The following TNNI3K variants were observed in gnomAD, a reference collection of about 807,000 sequenced individuals.
TNNI3K encodes the protein serine/threonine-protein kinase TNNI3K.
Under a neutral mutation model 114.5 loss-of-function variants are expected in TNNI3K, and 140 were observed. The ratio of observed to expected loss-of-function variants is 1.22; its 90% CI spans 1.07 to 1.41. TNNI3K has a LOEUF of 1.41. Ranked by LOEUF, TNNI3K falls within the 40% of genes most tolerant of loss-of-function variation. The pLI is 0.00. For missense variants in TNNI3K, 1,125 were observed against 1,007.6 expected, an observed-to-expected ratio of 1.12 and a Z score of -1.58; for synonymous variants, 347 against 347.5, an observed-to-expected ratio of 1.00 and a Z score of 0.02.
intron 5 of TNNI3K, among the ~76,000 whole-genome samples, chr1:74,299,463 G>T (rs1427216188): frequency 6.6e-6 from 1 of 151,982 alleles, no homozygotes; most frequent in African/African-American, 2.4e-5. Flanking sequence ...GTATATCATT[G>T]GCTGAACTAT....
intron 17 of TNNI3K, among the ~76,000 whole-genome samples, chr1:74,424,506 G>T (rs903750828): frequency 6.6e-6 from 1 of 151,980 alleles, no homozygotes; most frequent in Admixed American, 6.6e-5. Flanking sequence ...ACCACTTGAG[G>T]TCAGGAGTTT....
chr1:74,352,689 C>T (rs1472487003), intron 9 of TNNI3K, among the ~76,000 whole-genome samples: 7 of 152,292 alleles, frequency 4.6e-5, no homozygotes, highest in African/African-American at 7.2e-5. Context: ...CCCCCAGCCT[C>T]GCTGCCACCT....
At position 74,236,145 on chromosome 1, in the gene TNNI3K, A is replaced by G. The variant is rs1653844853; in HGVS notation, c.84A>G (p.Ile28Met). The G allele has an allele frequency of 1.2e-6, 2 of 1,608,586 alleles. No individual in the cohort carries two copies. Among genetic ancestry groups the G allele is most frequent in the Non-Finnish European group, 1.7e-6 (2 of 1,176,204 alleles). ...TCAGTGAATCATATGTTATCACAAT[A>G]GAAAGATTAGAAGATGACCTGCAGA... The part of the protein sequence containing the change: ...KKVSESYVIT[I>M]ERLEDDLQIK... The change falls in exon 2 of 25, where the codon ATA becomes ATG. Residue 28 changes from isoleucine to methionine, a missense_variant. Transcript: ENST00000326637.
At chr1:74,367,568 C>T (rs1662342169) in intron 12 of TNNI3K, among the ~76,000 whole-genome samples, 1 of 151,948 alleles carries the variant, frequency 6.6e-6, no homozygotes, top group Non-Finnish European at 1.5e-5. Flanking sequence ...CCAAGTTTAA[C>T]ATTTCCCAGA....
intron 4 of TNNI3K, among the ~76,000 whole-genome samples, chr1:74,256,221 C>T (rs1655286032): frequency 6.7e-6 from 1 of 148,858 alleles, no homozygotes; most frequent in Non-Finnish European, 1.5e-5. Context: ...CCTACATTCC[C>T]ATCAGCAAGG....
intron 4 of TNNI3K, among the ~76,000 whole-genome samples, chr1:74,252,795 C>G (rs1190705027): frequency 1.3e-5 from 2 of 152,156 alleles, no homozygotes; most frequent in African/African-American, 2.4e-5. Flanking sequence ...GTGAGTGTTA[C>G]AGCTCATAAA....
chr1:74,315,626 A>G (rs1203629015), intron 5 of TNNI3K, among the ~76,000 whole-genome samples: 1 of 151,926 alleles, frequency 6.6e-6, no homozygotes, highest in African/African-American at 2.4e-5. Context: ...TCCTAGAGGC[A>G]ATTTTGCAGC....
intron 5 of TNNI3K, among the ~76,000 whole-genome samples, chr1:74,302,941 G>A (rs1658414773): frequency 6.6e-6 from 1 of 152,158 alleles, no homozygotes; most frequent in Non-Finnish European, 1.5e-5. Context: ...GGAATAAGAT[G>A]CCATCCAGGA....
chr1:74,295,394 T>TTTTA (rs1657921357), intron 5 of TNNI3K, among the ~76,000 whole-genome samples: 1 of 152,194 alleles, frequency 6.6e-6, no homozygotes, highest in Non-Finnish European at 1.5e-5. Context: ...TTAAAAATTG[T>TTTTA]CTGTATACTT....
chr1:74,452,124 C>A (rs1457313232), intron 20 of TNNI3K, among the ~76,000 whole-genome samples: 1 of 152,142 alleles, frequency 6.6e-6, no homozygotes, highest in African/African-American at 2.4e-5. Flanking sequence ...GTACCTCTCA[C>A]ATTACTAACA....
chr1:74,291,260 A>T (rs513169), intron 5 of TNNI3K, among the ~76,000 whole-genome samples: 150,209 of 151,578 alleles, frequency 0.99, 74,445 homozygotes, highest in Middle Eastern at 1. Context: ...TCATTAATTA[A>T]ATATTTTTAA....
intron 20 of TNNI3K, among the ~76,000 whole-genome samples, chr1:74,442,083 G>C (rs547865258): frequency 6.6e-6 from 1 of 151,550 alleles, no homozygotes; most frequent in South Asian, 2.1e-4. Context: ...TACAGGTTTA[G>C]GTTTTATATT....
chr1:74,363,208 C>T (rs1662064891), intron 11 of TNNI3K, among the ~76,000 whole-genome samples: 1 of 151,916 alleles, frequency 6.6e-6, no homozygotes. Flanking sequence ...GCCAAGTGTC[C>T]AGGAGCTGGG....
Position 74,530,886 on chromosome 1 carries a change from T to C in TNNI3K, c.2352-9348T>C, listed in dbSNP as rs576429486. On this transcript the variant is annotated intron_variant, in intron 23 of 24. Transcript: ENST00000326637. ...ATACCTGCTTAAATTAGTAGGTAAA[T>C]TGAGAGGTGGTAGTGTTGTTAGGTT... Among the ~76,000 whole-genome samples the C allele has an allele frequency of 2.0e-5, 3 of 152,290 alleles. No individual in the cohort carries two copies. The South Asian group carries it at 6.2e-4, about 32-fold the overall frequency.
chr1:74,276,515 G>A (rs1407490911), intron 5 of TNNI3K, among the ~76,000 whole-genome samples: 1 of 152,104 alleles, frequency 6.6e-6, no homozygotes, highest in East Asian at 1.9e-4. Context: ...GAAAAGTAGA[G>A]CACATTGGGA....
intron 21 of TNNI3K, among the ~76,000 whole-genome samples, chr1:74,475,972 A>G (rs958012098): frequency 2.0e-5 from 3 of 152,178 alleles, no homozygotes; most frequent in Non-Finnish European, 2.9e-5. Flanking sequence ...GACAGAGGCT[A>G]CCATTGACAT....
intron 17 of TNNI3K, among the ~76,000 whole-genome samples, chr1:74,417,820 G>A (rs1415496412): frequency 1.3e-5 from 2 of 151,332 alleles, no homozygotes; most frequent in Admixed American, 6.6e-5. Flanking sequence ...GATACATTTA[G>A]GAGAATACTA....
intron 23 of TNNI3K, among the ~76,000 whole-genome samples, chr1:74,501,460 GT>G (rs113466725): frequency 1.0e-4 from 15 of 144,348 alleles, no homozygotes; most frequent in East Asian, 8.6e-4. Flanking sequence ...AACTTGGAGG[GT>G]TTTTTTTGTT....
intron 5 of TNNI3K, among the ~76,000 whole-genome samples, chr1:74,316,572 A>G (rs1570457529): frequency 6.6e-6 from 1 of 151,656 alleles, no homozygotes; most frequent in Non-Finnish European, 1.5e-5. Context: ...TTACTCCCTT[A>G]CCTTCATACA....
Sources: allele counts gnomAD v4.1 joint callset (sites outside exome capture counted in the v4.1 genomes callset), GRCh38; gene constraint gnomAD v4.1.1; transcripts MANE v1.5; gene names NCBI Gene and HGNC (gene_info 2026-07-23, HGNC 2026-07-21).